Variants in TBXA2R observed in about 807,000 individuals in gnomAD.
TBXA2R encodes the protein prostanoid TP receptor.
TBXA2R carries 15 observed loss-of-function variants against 15.6 expected under a neutral mutation model. The ratio of observed to expected loss-of-function variants is 0.96; its 90% CI spans 0.64 to 1.48. The LOEUF is 1.48. Among genes scored for constraint, TBXA2R ranks in the 40% most tolerant of loss-of-function variants. The pLI, the probability that TBXA2R is intolerant of heterozygous loss-of-function variation, is 0.00. For missense variants in TBXA2R, 506 were observed against 491.4 expected, an observed-to-expected ratio of 1.03 and a Z score of -0.28; for synonymous variants, 280 against 241.2, an observed-to-expected ratio of 1.16 and a Z score of -1.49.
In TBXA2R at chr19:3,595,904, G is replaced by T. The variant is rs1315507100; in HGVS notation, c.816C>A (p.Asn272Lys). The change falls in exon 3 of 3, where the codon AAC becomes AAA. Residue 272 changes from asparagine to lysine, a missense_variant. By Grantham distance (94) the Asn-to-Lys change is moderately conservative. Transcript: ENST00000375190. ...LVFIAQTVLR[N>K]PPAMSPAGQL... ...GCCCGGCGGGGCTCATGGCAGGCGGGTTTCGCAGCACTGTCTGGGCGATGA... is the reference window on the plus strand; with the variant it reads ...GCCCGGCGGGGCTCATGGCAGGCGGTTTTCGCAGCACTGTCTGGGCGATGA... 1 of 1,602,900 alleles carries T rather than the reference G, an allele frequency of 6.2e-7. No individual in the cohort carries two copies. Among genetic ancestry groups the T allele is most frequent in the South Asian group, 1.1e-5 (1 of 89,206 alleles).
rs529655857 is a variant in TBXA2R, at chr19:3,595,289, G to A, written c.*399C>T. 8.8e-7 allele frequency: 1 copy of A among 1,142,448 alleles called. No individual in the cohort carries two copies. Among genetic ancestry groups the A allele is most frequent in the Admixed American group, 3.6e-5 (1 of 28,006 alleles). The allele number at this position is 1,142,448 out of a possible 1,614,324, so 70.8% of individuals were successfully genotyped here. A position where few individuals can be genotyped will look rare whatever the true frequency, so the allele number is the denominator to read the frequency against. ...AGCTACTCAGGAGGCTGAGGCAGGA[G>A]AATCGCTTGAACCCGGGAGGTGGAG... On this transcript the variant is annotated 3_prime_UTR_variant, in exon 3 of 3. Coordinates refer to ENST00000375190, the MANE Select transcript of TBXA2R (RefSeq NM_001060.6).
chr19:3,605,810 GACAC>G (rs1031230146), intron 1 of TBXA2R, among the ~76,000 whole-genome samples: 9 of 52,154 alleles, frequency 1.7e-4, no homozygotes, highest in East Asian at 5.4e-4. Flanking sequence ...AAACACAACA[GACAC>G]ACAGACACAC....
chr19:3,599,339 T>A (rs1354836796), intron 2 of TBXA2R, among the ~76,000 whole-genome samples: 3 of 133,068 alleles, frequency 2.3e-5, no homozygotes, highest in Admixed American at 7.3e-5. Context: ...ATTTTTTATT[T>A]TTTTTTTTGA....
intron 1 of TBXA2R, among the ~76,000 whole-genome samples, chr19:3,602,013 A>G (rs2032747636): frequency 6.6e-6 from 1 of 151,506 alleles, no homozygotes; most frequent in African/African-American, 2.4e-5. Flanking sequence ...CGAGGTCAGG[A>G]GATCGAGACC....
In TBXA2R at chr19:3,595,894, T is replaced by C; in HGVS notation, c.826A>G (p.Met276Val). ...CGGGACAGCTGCCCGGCGGGGCTCA[T>C]GGCAGGCGGGTTTCGCAGCACTGTC... ...AQTVLRNPPA[M>V]SPAGQLSRTT... The change falls in exon 3 of 3, where the codon ATG becomes GTG. Residue 276 changes from methionine to valine, a missense_variant. Physicochemically the swap from Met to Val is conservative, Grantham distance 21 (BLOSUM62 1). Coordinates refer to ENST00000375190, the MANE Select transcript of TBXA2R (RefSeq NM_001060.6). The C allele has an allele frequency of 1.9e-6, 3 of 1,607,304 alleles. No individual in the cohort carries two copies. Among genetic ancestry groups the C allele is most frequent in the Admixed American group, 3.4e-5 (2 of 59,204 alleles).
Position 3,606,257 on chromosome 19 carries a change from A to G in TBXA2R, c.-84+273T>C, listed in dbSNP as rs527304312. On this transcript the variant is annotated intron_variant, in intron 1 of 2. Transcript: ENST00000375190. ...GCAGCCCCCTGAGTCTGGGACCCCC[A>G]TTCACAGCCATGTGGCCCCACAGAG... is the stretch of plus-strand genomic sequence containing the variant. 1.1e-4 allele frequency among the ~76,000 whole-genome samples: 16 copies of G among 151,822 alleles called. No individual in the cohort carries two copies. In the South Asian group the frequency reaches 3.3e-3, roughly 32 times the overall value.
At chr19:3,604,329 G>T (rs2032791301) in intron 1 of TBXA2R, among the ~76,000 whole-genome samples, 1 of 152,184 alleles carries the variant, frequency 6.6e-6, no homozygotes, top group Admixed American at 6.5e-5. Flanking sequence ...TGACTCGGAG[G>T]GCTCTGTCCG....
At chr19:3,604,711 T>A (rs1167464075) in intron 1 of TBXA2R, among the ~76,000 whole-genome samples, 1 of 152,128 alleles carries the variant, frequency 6.6e-6, no homozygotes, top group African/African-American at 2.4e-5. Flanking sequence ...GAGCTTCTGA[T>A]CTCCATGCCT....
rs2032573073 is a variant in TBXA2R, at chr19:3,595,198, G to A, written c.*490C>T. On this transcript the variant is annotated 3_prime_UTR_variant, in exon 3 of 3. Coordinates refer to ENST00000375190, the MANE Select transcript of TBXA2R (RefSeq NM_001060.6). ...GTTCAAGACCAGCCTGGCCAACACG[G>A]TGAAACCCCGTCTCTACTAAAAATA... The A allele has an allele frequency of 1.6e-6, 1 of 610,924 alleles. No individual in the cohort carries two copies. Among genetic ancestry groups the A allele is most frequent in the Non-Finnish European group, 2.6e-6 (1 of 383,802 alleles). 37.8% of individuals were successfully genotyped at this position (610,924 alleles called of 1,614,324 possible).
At position 3,595,443 on chromosome 19, in the gene TBXA2R, G is replaced by GA. The variant is rs2032579355; in HGVS notation, c.*244dup. The GA allele has an allele frequency of 7.1e-7, 1 of 1,412,962 alleles. No homozygotes were observed. Among genetic ancestry groups the GA allele is most frequent in the African/African-American group, 1.4e-5 (1 of 69,448 alleles). 87.5% of individuals were successfully genotyped at this position (1,412,962 alleles called of 1,614,324 possible). On this transcript the variant is annotated 3_prime_UTR_variant, in exon 3 of 3. Transcript: ENST00000375190. ...GCATGCCCTTCCTGGGGTTGGGAGG[G>GA]ACGCAGAGAAGGGGTGGGAGCTCTG...
Position 3,600,209 on chromosome 19 carries a change from C to T in TBXA2R, c.426G>A (p.Ala142=). 6.2e-7 allele frequency: 1 copy of T among 1,602,640 alleles called. No homozygotes were observed. Among genetic ancestry groups the T allele is most frequent in the Non-Finnish European group, 8.5e-7 (1 of 1,175,616 alleles). ...LGITRPFSRP[A]VASQRRAWAT... ...CCCAGGCGCGGCGCTGCGAGGCGAC[C>T]GCCGGGCGCGAGAAGGGCCGGGTGA... The change falls in exon 2 of 3, where the codon GCG becomes GCA. Residue 142 remains alanine, a synonymous_variant. Transcript: ENST00000375190.
intron 2 of TBXA2R, among the ~76,000 whole-genome samples, chr19:3,596,576 C>T (rs1030577001): frequency 1.3e-5 from 2 of 152,000 alleles, no homozygotes; most frequent in Non-Finnish European, 2.9e-5. Context: ...GTTACCCAGG[C>T]ATGGTTGCAC....
At chr19:3,605,738 T>C (rs1190776429) in intron 1 of TBXA2R, among the ~76,000 whole-genome samples, 4 of 145,704 alleles carry the variant, frequency 2.7e-5, no homozygotes, top group East Asian at 4.1e-4. Flanking sequence ...GGCAAATACA[T>C]AGACACATAC....
At chr19:3,600,825 G>GTTT (rs201563283) in intron 1 of TBXA2R, 108 bp from the exon 2 acceptor site, 6,442 of 448,846 alleles carry the variant, frequency 0.014, 56 homozygotes, top group South Asian at 0.023. Context: ...TATCCTCTCC[G>GTTT]GTTTTTTTTT....
chr19:3,602,563 C>T (rs987146090), intron 1 of TBXA2R, among the ~76,000 whole-genome samples: 3 of 151,870 alleles, frequency 2.0e-5, no homozygotes, highest in Admixed American at 6.6e-5. Flanking sequence ...ATGGTGAAAC[C>T]GCATCTCAAC....
At chr19:3,599,422 T>C (rs1381311181) in intron 2 of TBXA2R, among the ~76,000 whole-genome samples, 2 of 152,022 alleles carry the variant, frequency 1.3e-5, no homozygotes, top group African/African-American at 2.4e-5. Context: ...CTCCGCCTCC[T>C]GGGTTCATGC....
rs2032579289 is a variant in TBXA2R at position 3,595,443 on chromosome 19, G to A, written c.*245C>T. The A allele has an allele frequency of 1.4e-6, 2 of 1,413,080 alleles. No homozygotes were observed. Among genetic ancestry groups the A allele is most frequent in the Non-Finnish European group, 1.8e-6 (2 of 1,088,494 alleles). The allele number at this position is 1,413,080 out of a possible 1,614,324, so 87.5% of individuals were successfully genotyped here. ...GCATGCCCTTCCTGGGGTTGGGAGG[G>A]ACGCAGAGAAGGGGTGGGAGCTCTG... On this transcript the variant is annotated 3_prime_UTR_variant, in exon 3 of 3. Transcript: ENST00000375190.
At position 3,594,816 on chromosome 19, in the gene TBXA2R, G is replaced by C; in HGVS notation, c.*872C>G. The C allele has an allele frequency of 6.6e-7, 1 of 1,525,124 alleles. No homozygotes were observed. Among genetic ancestry groups the C allele is most frequent in the South Asian group, 1.2e-5 (1 of 83,400 alleles). 94.5% of individuals were successfully genotyped at this position (1,525,124 alleles called of 1,614,324 possible). A position where few individuals can be genotyped will look rare whatever the true frequency, so the allele number is the denominator to read the frequency against. ...GCAGAGATATATTTTGGCAAGAAAA[G>C]GGGGTGCCCCCGTTCACATTCAATC... On this transcript the variant is annotated 3_prime_UTR_variant, in exon 3 of 3. Coordinates refer to ENST00000375190, the MANE Select transcript of TBXA2R (RefSeq NM_001060.6).
In TBXA2R at chr19:3,595,438, G is replaced by C. The variant is rs1438676031; in HGVS notation, c.*250C>G. On this transcript the variant is annotated 3_prime_UTR_variant, in exon 3 of 3. Coordinates refer to ENST00000375190, the MANE Select transcript of TBXA2R (RefSeq NM_001060.6). ...TGTCTGCATGCCCTTCCTGGGGTTGGGAGGGACGCAGAGAAGGGGTGGGAG... is the reference window on the plus strand; with the variant it reads ...TGTCTGCATGCCCTTCCTGGGGTTGCGAGGGACGCAGAGAAGGGGTGGGAG... 1 of 1,412,162 alleles carries C rather than the reference G, an allele frequency of 7.1e-7. No homozygotes were observed. Among genetic ancestry groups the C allele is most frequent in the Non-Finnish European group, 9.2e-7 (1 of 1,088,234 alleles). The allele number at this position is 1,412,162 out of a possible 1,614,324, so 87.5% of individuals were successfully genotyped here. A position where few individuals can be genotyped will look rare whatever the true frequency, so the allele number is the denominator to read the frequency against.
Sources: gnomAD v4.1 joint callset for allele counts (sites outside exome capture counted in the v4.1 genomes callset) on GRCh38, gnomAD v4.1.1 for gene constraint, MANE v1.5 for transcripts, NCBI Gene and HGNC (gene_info 2026-07-23, HGNC 2026-07-21) for gene names.